The following PAPSS1 variants were observed in gnomAD, a reference collection of about 807,000 sequenced individuals.
PAPSS1 encodes 3'-phosphoadenosine 5'-phosphosulfate synthase 1.
In PAPSS1, 50 loss-of-function variants were observed where a neutral mutation model predicts 72.0. The observed-to-expected ratio is 0.69, with a 90% CI of 0.55 to 0.88. The LOEUF (loss-of-function observed/expected upper bound fraction) is 0.88, where lower values mean the gene tolerates loss of function less well. Among genes scored for constraint, PAPSS1 ranks in the 40% least tolerant of loss-of-function variants. PAPSS1 has a pLI of 0.00. For missense variants in PAPSS1, 657 were observed against 782.2 expected (o/e 0.84, Z 1.91); for synonymous variants, 261 against 263.6 (o/e 0.99, Z 0.09).
At chr4:107,678,346 T>C (rs1727715611) in intron 5 of PAPSS1, among the ~76,000 whole-genome samples, 2 of 149,806 alleles carry the variant, frequency 1.3e-5, no homozygotes, top group African/African-American at 4.9e-5. Flanking sequence ...AGAGAAAGGG[T>C]AGACAATGCA....
intron 10 of PAPSS1, among the ~76,000 whole-genome samples, chr4:107,635,693 T>C (rs896273494): frequency 6.6e-6 from 1 of 151,960 alleles, no homozygotes. Context: ...ACTTAAAAAA[T>C]AAATAAATAA....
intron 5 of PAPSS1, among the ~76,000 whole-genome samples, chr4:107,666,024 T>C (rs1727306961): frequency 6.6e-6 from 1 of 152,178 alleles, no homozygotes; most frequent in Non-Finnish European, 1.5e-5. Context: ...AAGGGCACAT[T>C]CATATTTTTA....
intron 4 of PAPSS1, among the ~76,000 whole-genome samples, chr4:107,682,556 T>C (rs1448009848): frequency 6.6e-6 from 1 of 152,178 alleles, no homozygotes; most frequent in Non-Finnish European, 1.5e-5. Flanking sequence ...GTAGGCAAAT[T>C]CATAAATATC....
chr4:107,657,141 C>A, intron 6 of PAPSS1, 134 bp from the exon 7 acceptor site: 3 of 603,374 alleles, frequency 5.0e-6, no homozygotes, highest in African/African-American at 1.9e-5. Context: ...TTATACCAAA[C>A]TAACAAAGAA....
chr4:107,614,595 T>C (rs1050580309), intron 11 of PAPSS1, among the ~76,000 whole-genome samples: 5 of 152,056 alleles, frequency 3.3e-5, no homozygotes, highest in Non-Finnish European at 7.4e-5. Context: ...AGAAAAAAAT[T>C]AGTTTTGAAA....
intron 1 of PAPSS1, chr4:107,719,823 G>A (rs1723731324): frequency 7.9e-7 from 1 of 1,271,362 alleles, no homozygotes; most frequent in South Asian, 2.0e-5. Context: ...ACGGGTGAAG[G>A]ATTTTCCTGG....
chr4:107,669,764 AC>A, intron 5 of PAPSS1, among the ~76,000 whole-genome samples: 1 of 152,314 alleles, frequency 6.6e-6, no homozygotes, highest in Middle Eastern at 3.4e-3. Context: ...TTTTGTCACC[AC>A]CCACCTTTAA....
chr4:107,618,590 TG>T (rs1021312575), intron 11 of PAPSS1, among the ~76,000 whole-genome samples: 33 of 151,598 alleles, frequency 2.2e-4, no homozygotes, highest in African/African-American at 7.0e-4. Context: ...CAGAAGGTGG[TG>T]GGGGAGTGGA....
chr4:107,625,403 G>T (rs1219034892), intron 11 of PAPSS1, among the ~76,000 whole-genome samples: 3 of 152,170 alleles, frequency 2.0e-5, no homozygotes, highest in African/African-American at 7.2e-5. Context: ...AGGCATGACA[G>T]GGATGCAACA....
chr4:107,655,059 A>G (rs1297588991), intron 7 of PAPSS1, among the ~76,000 whole-genome samples, 159 bp from the exon 8 acceptor site: 2 of 151,894 alleles, frequency 1.3e-5, no homozygotes. Context: ...AACGAAAGAC[A>G]GAACAAGCTA....
At chr4:107,688,535 A>T (rs1316626938) in intron 3 of PAPSS1, among the ~76,000 whole-genome samples, 1 of 152,188 alleles carries the variant, frequency 6.6e-6, no homozygotes, top group African/African-American at 2.4e-5. Context: ...AGTATTTAAA[A>T]TACCAGGCCT....
chr4:107,635,355 A>G (rs975976149), intron 10 of PAPSS1, among the ~76,000 whole-genome samples: 1 of 152,328 alleles, frequency 6.6e-6, no homozygotes, highest in African/African-American at 2.4e-5. Flanking sequence ...AAGCATTAAT[A>G]TGGTATACAT....
chr4:107,641,265 T>C (rs1026208878), intron 10 of PAPSS1, among the ~76,000 whole-genome samples: 1 of 152,206 alleles, frequency 6.6e-6, no homozygotes, highest in African/African-American at 2.4e-5. Context: ...CCCAGGTATC[T>C]GATGATCCTG....
At chr4:107,626,065 C>T (rs947651341) in intron 11 of PAPSS1, among the ~76,000 whole-genome samples, 1 of 151,700 alleles carries the variant, frequency 6.6e-6, no homozygotes, top group African/African-American at 2.4e-5. Flanking sequence ...GGAGTCCCAG[C>T]TACTCGAGAG....
Position 107,654,778 on chromosome 4 carries a change from TGCGAAGAATG to T in PAPSS1, c.1008_1017del (p.Leu338GlnfsTer29), listed in dbSNP as rs1726951388. ...TTCCTGTGCTCAAAAAACTCTGGATTGCGAAGAATGGCCACACGGCGGCCCTCATACATCA... is the reference window on the plus strand; with the variant it reads ...TTCCTGTGCTCAAAAAACTCTGGATTGCCACACGGCGGCCCTCATACATCA... On this transcript the variant is annotated frameshift_variant, in exon 8 of 12. Transcript: ENST00000265174. LOFTEE classifies it high-confidence loss of function. 1 of 1,613,884 alleles carries T rather than the reference TGCGAAGAATG, an allele frequency of 6.2e-7. No individual in the cohort carries two copies. The highest frequency in any genetic ancestry group is 1.7e-5 in the Admixed American group (1 of 59,984).
Position 107,659,983 on chromosome 4 carries a change from T to C in PAPSS1, c.759A>G (p.Thr253=). Residue 253 remains threonine (T), a synonymous_variant, in exon 6 of 12, where the codon ACA becomes ACG. Transcript: ENST00000265174. ...CTTTATTAATTTTCAGTGCTGGTAA[T>C]GTTTCCGCATCTGTTTTTGCCAAAT... ...KLHLAKTDAE[T]LPALKINKVD... is the part of the protein sequence containing the mutation. 6.2e-7 allele frequency: 1 copy of C among 1,600,844 alleles called. No individual in the cohort carries two copies. The highest frequency in any genetic ancestry group is 8.5e-7 in the Non-Finnish European group (1 of 1,170,160).
chr4:107,645,988 T>C (rs1373701773), intron 9 of PAPSS1, among the ~76,000 whole-genome samples: 1 of 152,210 alleles, frequency 6.6e-6, no homozygotes, highest in African/African-American at 2.4e-5. Flanking sequence ...TTTTTGTTTT[T>C]GTTTTGCCAC....
chr4:107,636,468 G>A (rs1221626836), intron 10 of PAPSS1, among the ~76,000 whole-genome samples: 2 of 152,110 alleles, frequency 1.3e-5, no homozygotes, highest in African/African-American at 4.8e-5. Flanking sequence ...AAAATCACTC[G>A]TTGAATTCGC....
At chr4:107,667,766 A>G (rs931625385) in intron 5 of PAPSS1, among the ~76,000 whole-genome samples, 1 of 152,238 alleles carries the variant, frequency 6.6e-6, no homozygotes, top group Non-Finnish European at 1.5e-5. Context: ...TACATAAATC[A>G]TAATTCATTA....
Sources: gnomAD v4.1 joint callset for allele counts (sites outside exome capture counted in the v4.1 genomes callset) on GRCh38, gnomAD v4.1.1 for gene constraint, MANE v1.5 for transcripts, NCBI Gene and HGNC (gene_info 2026-07-23, HGNC 2026-07-21) for gene names.